The following FOXP1 variants were observed in gnomAD, a reference collection of about 807,000 sequenced individuals.
FOXP1 encodes the protein forkhead box protein P1.
In FOXP1, 15 loss-of-function variants were observed where a neutral mutation model predicts 98.2. The observed-to-expected ratio is 0.15, with a 90% CI of 0.10 to 0.24. The LOEUF is 0.24. Among genes scored for constraint, FOXP1 ranks in the 10% least tolerant of loss-of-function variants. FOXP1 has a pLI of 1.00. For synonymous variants in FOXP1, 371 were observed against 314.5 expected, an observed-to-expected ratio of 1.18 and a Z score of -1.90; for missense variants, 633 against 848.5, an observed-to-expected ratio of 0.75 and a Z score of 3.15.
At chr3:71,294,518 C>A (rs1410087507) in intron 5 of FOXP1, among the ~76,000 whole-genome samples, 3 of 152,120 alleles carry the variant, frequency 2.0e-5, no homozygotes, top group African/African-American at 7.2e-5. Flanking sequence ...AGGACAGAGA[C>A]CATGTCCTTC....
chr3:71,308,162 G>T (rs560553577), intron 4 of FOXP1, among the ~76,000 whole-genome samples: 3 of 151,156 alleles, frequency 2.0e-5, no homozygotes, highest in Non-Finnish European at 1.5e-5. Context: ...AAGATGGGGG[G>T]GCGTAGTTGC....
At position 71,513,038 on chromosome 3, in the gene FOXP1, A is replaced by G. The variant is rs140544271; in HGVS notation, c.-297-19483T>C. ...GGGGAACATGAAAACAGCCTGCTCCAGTAGCATTTACCAGGCATTCCTAAC... is the reference window on the plus strand; with the variant it reads ...GGGGAACATGAAAACAGCCTGCTCCGGTAGCATTTACCAGGCATTCCTAAC... On this transcript the variant is annotated intron_variant, in intron 2 of 20. Coordinates refer to ENST00000649528, the MANE Select transcript of FOXP1 (RefSeq NM_001349338.3). 9.8e-5 allele frequency among the ~76,000 whole-genome samples: 15 copies of G among 152,288 alleles called. No homozygotes were observed. In the East Asian group the frequency reaches 2.5e-3, roughly 25 times the overall value.
At chr3:71,462,432 T>C (rs1168174965) in intron 3 of FOXP1, among the ~76,000 whole-genome samples, 3 of 152,108 alleles carry the variant, frequency 2.0e-5, no homozygotes, top group African/African-American at 2.4e-5. Context: ...CCTTCTGGAG[T>C]GCACTAGGCT....
intron 3 of FOXP1, among the ~76,000 whole-genome samples, chr3:71,420,072 G>C (rs1283814738): frequency 1.3e-5 from 2 of 152,076 alleles, no homozygotes; most frequent in Non-Finnish European, 2.9e-5. Flanking sequence ...GCCTCCCAAA[G>C]TGTTGGGAGC....
At chr3:71,582,209 A>G (rs2048232259) in intron 1 of FOXP1, 1 of 982,536 alleles carries the variant, frequency 1.0e-6, no homozygotes, top group Non-Finnish European at 1.2e-6. Context: ...GGAGCTCACA[A>G]CAGGTGGGGA....
At chr3:71,336,641 A>G (rs1261877722) in intron 4 of FOXP1, among the ~76,000 whole-genome samples, 2 of 152,274 alleles carry the variant, frequency 1.3e-5, no homozygotes, top group Non-Finnish European at 2.9e-5. Context: ...TAGATGAAGA[A>G]TAAAATTACA....
intron 3 of FOXP1, among the ~76,000 whole-genome samples, chr3:71,479,654 C>T (rs575331212): frequency 4.5e-4 from 59 of 130,930 alleles, no homozygotes; most frequent in South Asian, 2.4e-3. Flanking sequence ...GCTCCAGCCT[C>T]GGAAACAAGA....
At chr3:71,441,884 G>A (rs2085975676) in intron 3 of FOXP1, among the ~76,000 whole-genome samples, 1 of 152,158 alleles carries the variant, frequency 6.6e-6, no homozygotes, top group South Asian at 2.1e-4. Context: ...GGATTCGAGG[G>A]GAAATTGGGG....
chr3:71,395,750 T>C (rs1486847841), intron 3 of FOXP1, among the ~76,000 whole-genome samples: 4 of 152,244 alleles, frequency 2.6e-5, no homozygotes, highest in Middle Eastern at 6.8e-3. Context: ...CAATAAATAA[T>C]TGCTAAATGA....
At chr3:70,972,191 A>G (rs2036411214) in intron 18 of FOXP1, 1 of 1,515,520 alleles carries the variant, frequency 6.6e-7, no homozygotes, top group Non-Finnish European at 8.8e-7. Context: ...CTGGGATAGG[A>G]GCAGCAGCAA....
intron 3 of FOXP1, among the ~76,000 whole-genome samples, chr3:71,368,422 TG>T (rs1344626186): frequency 2.0e-5 from 3 of 152,144 alleles, no homozygotes; most frequent in African/African-American, 7.2e-5. Flanking sequence ...CCACCATGCC[TG>T]GCCTTAGTTG....
At chr3:71,427,351 CAGG>C (rs2084255848) in intron 3 of FOXP1, among the ~76,000 whole-genome samples, 1 of 152,114 alleles carries the variant, frequency 6.6e-6, no homozygotes, top group Admixed American at 6.5e-5. Context: ...GACACACGCG[CAGG>C]AGAGTGTCAG....
intron 5 of FOXP1, among the ~76,000 whole-genome samples, chr3:71,233,059 C>T (rs943278859): frequency 6.6e-6 from 1 of 151,416 alleles, no homozygotes; most frequent in East Asian, 1.9e-4. Flanking sequence ...GCAGGAGGAT[C>T]GTTTGAACCC....
chr3:71,403,325 G>A (rs1005961497), intron 3 of FOXP1, among the ~76,000 whole-genome samples: 3 of 152,238 alleles, frequency 2.0e-5, no homozygotes, highest in Non-Finnish European at 4.4e-5. Context: ...GGATCTCTGA[G>A]CTGGAGATGG....
chr3:71,406,130 G>A (rs747164149), intron 3 of FOXP1, among the ~76,000 whole-genome samples: 8 of 151,956 alleles, frequency 5.3e-5, no homozygotes, highest in Non-Finnish European at 8.8e-5. Flanking sequence ...GTCCTTCCCC[G>A]ATGAATTAGT....
At position 71,533,800 on chromosome 3, in the gene FOXP1, T is replaced by TC. The variant is rs1451212676; in HGVS notation, c.-297-40246dup. 4.6e-5 allele frequency among the ~76,000 whole-genome samples: 7 copies of TC among 152,294 alleles called. No homozygotes were observed. In the East Asian group the frequency reaches 1.3e-3, roughly 29 times the overall value. The stretch of plus-strand genomic sequence containing the variant: ...AAAGTCTTCAGCCATTATGATGCAA[T>TC]CCTCCAGAGAGCTACAAGAAATACA... On this transcript the variant is annotated intron_variant, in intron 2 of 20. Transcript: ENST00000649528.
chr3:71,583,425 TG>T (rs2048349072), intron 1 of FOXP1, 145 bp downstream of exon 1: 4 of 886,426 alleles, frequency 4.5e-6, no homozygotes, highest in South Asian at 5.0e-5. Flanking sequence ...GGAAAGTAGT[TG>T]TTTTTTTTTT....
intron 9 of FOXP1, 66 bp from the exon 10 acceptor site, chr3:71,047,161 T>A: frequency 1.3e-6 from 2 of 1,563,576 alleles, no homozygotes; most frequent in Non-Finnish European, 1.8e-6. Context: ...GTATGGACAC[T>A]TCAAAACTCA....
At chr3:70,965,468 C>T (rs186489550) in intron 20 of FOXP1, among the ~76,000 whole-genome samples, 295 of 152,272 alleles carry the variant, frequency 1.9e-3, no homozygotes, top group African/African-American at 6.5e-3. Context: ...GCTGCGGCGG[C>T]GTGTTCGTGG....
Sources: gnomAD v4.1 joint callset for allele counts (sites outside exome capture counted in the v4.1 genomes callset) on GRCh38, gnomAD v4.1.1 for gene constraint, MANE v1.5 for transcripts, NCBI Gene and HGNC (gene_info 2026-07-23, HGNC 2026-07-21) for gene names.